PRDM11: variants seen among roughly 807,000 people sequenced by gnomAD.
PRDM11 encodes the protein PR domain-containing protein 11.
A neutral mutation model predicts 97.8 loss-of-function variants in PRDM11; 20 were observed. The observed-to-expected ratio is 0.20, with a 90% CI of 0.14 to 0.30. PRDM11 has a LOEUF of 0.30. Among genes scored for constraint, PRDM11 ranks in the 10% least tolerant of loss-of-function variants. PRDM11 has a pLI of 1.00. For missense variants in PRDM11, 1,139 were observed against 1,555.2 expected (o/e 0.73, Z 4.50); for synonymous variants, 599 against 637.7 (o/e 0.94, Z 0.91).
intron 1 of PRDM11, among the ~76,000 whole-genome samples, chr11:45,174,545 T>G (rs1440538841): frequency 6.6e-6 from 1 of 152,202 alleles, no homozygotes; most frequent in Non-Finnish European, 1.5e-5. Flanking sequence ...ATTCATTGAG[T>G]CATTGATTCA....
chr11:45,153,973 T>C (rs1336229087), intron 1 of PRDM11, among the ~76,000 whole-genome samples: 1 of 152,186 alleles, frequency 6.6e-6, no homozygotes, highest in Non-Finnish European at 1.5e-5. Flanking sequence ...TCCAATCTTC[T>C]TAAGAAAACC....
intron 2 of PRDM11, 98 bp downstream of exon 2, chr11:45,181,983 C>G: frequency 9.0e-7 from 1 of 1,113,730 alleles, no homozygotes; most frequent in Admixed American, 2.3e-5. Flanking sequence ...TCACTCCTTG[C>G]CCACCTTCCC....
At chr11:45,205,428 C>G (rs1012027886) in intron 5 of PRDM11, among the ~76,000 whole-genome samples, 2 of 152,026 alleles carry the variant, frequency 1.3e-5, no homozygotes, top group Admixed American at 6.6e-5. Flanking sequence ...GTGCCATGTG[C>G]GAGGGACTCT....
intron 5 of PRDM11, among the ~76,000 whole-genome samples, chr11:45,211,526 T>C (rs1241745395): frequency 1.1e-4 from 5 of 44,134 alleles, no homozygotes; most frequent in Non-Finnish European, 4.7e-4. Flanking sequence ...GTCTGTCCGA[T>C]GGCCCCTGTG....
At chr11:45,108,288 G>A (rs113190800) in intron 1 of PRDM11, among the ~76,000 whole-genome samples, 3,353 of 152,228 alleles carry the variant, frequency 0.022, 117 homozygotes, top group African/African-American at 0.077. Flanking sequence ...CTGCTGCCCT[G>A]GCCTCTTACG....
chr11:45,219,051 T>A lies in PRDM11; in HGVS notation c.555-519T>A, dbSNP rs1854035699. Among the ~76,000 whole-genome samples, 1 of 152,212 alleles carries A rather than the reference T, an allele frequency of 6.6e-6. No homozygotes were observed. The highest frequency in any genetic ancestry group is 1.5e-5 in the Non-Finnish European group (1 of 68,048). On this transcript the variant is annotated intron_variant, in intron 5 of 7. Transcript: ENST00000683152. The surrounding 1 kb of genome is among the most constrained non-coding windows in gnomAD (Gnocchi z 4.2). The stretch of plus-strand genomic sequence containing the variant: ...TGTCCCCACTGGAGCCCCCATTTTT[T>A]AAAAGATTTTGATCTTTAGCATTTA...
intron 5 of PRDM11, chr11:45,208,972 T>C (rs1314593389): frequency 2.2e-6 from 1 of 456,706 alleles, no homozygotes; most frequent in South Asian, 1.5e-5. Flanking sequence ...GAAGCAGTGC[T>C]CTTTGGGAGG....
intron 1 of PRDM11, among the ~76,000 whole-genome samples, chr11:45,139,937 A>C (rs1200694727): frequency 3.3e-5 from 5 of 152,158 alleles, no homozygotes; most frequent in Non-Finnish European, 7.3e-5. Context: ...GGAATCATTA[A>C]GCCCAGTGAT....
At chr11:45,182,802 A>T in intron 3 of PRDM11, 59 bp from the exon 4 acceptor site, 1 of 1,507,906 alleles carries the variant, frequency 6.6e-7, no homozygotes, top group Non-Finnish European at 8.9e-7. Flanking sequence ...TACCTCCCCC[A>T]TGGGGGTCTT....
At chr11:45,135,073 C>A (rs1048297910) in intron 1 of PRDM11, among the ~76,000 whole-genome samples, 2 of 151,916 alleles carry the variant, frequency 1.3e-5, no homozygotes, top group Admixed American at 6.6e-5. Context: ...TTGAGCCCAG[C>A]CTGGGCAACA....
At chr11:45,098,434 C>T (rs751904667) in intron 1 of PRDM11, among the ~76,000 whole-genome samples, 2 of 152,122 alleles carry the variant, frequency 1.3e-5, no homozygotes, top group Non-Finnish European at 1.5e-5. Flanking sequence ...TGGACTTAGT[C>T]GGGGAGACTG....
intron 1 of PRDM11, among the ~76,000 whole-genome samples, chr11:45,106,563 G>C (rs966529189): frequency 4.6e-5 from 7 of 152,312 alleles, no homozygotes; most frequent in Non-Finnish European, 8.8e-5. Flanking sequence ...CATGGAGACA[G>C]TTTACCTCTG....
At chr11:45,159,714 C>A (rs1431305259) in intron 1 of PRDM11, among the ~76,000 whole-genome samples, 1 of 152,114 alleles carries the variant, frequency 6.6e-6, no homozygotes, top group Non-Finnish European at 1.5e-5. Flanking sequence ...CCTGCCTGGG[C>A]CTTTGCCTGG....
rs1554963199 is a variant in PRDM11 at position 45,101,564 on chromosome 11, A to AGAAGAAGAAGAAGAAGAAG, written c.96+5663_96+5664insGAAGAAGAAGAAGAAGAAG. 4.4e-4 allele frequency among the ~76,000 whole-genome samples: 48 copies of AGAAGAAGAAGAAGAAGAAG among 108,592 alleles called. 1 individual carries two copies. Among genetic ancestry groups the AGAAGAAGAAGAAGAAGAAG allele is most frequent in the African/African-American group, 2.3e-3 (45 of 19,702 alleles). 71.2% of individuals were successfully genotyped at this position (108,592 alleles called of 152,430 possible). On this transcript the variant is annotated intron_variant, in intron 1 of 6. Transcript: ENST00000530656. The stretch of plus-strand genomic sequence containing the variant: ...GAGCAACACTCTGTCTCAAAAAAAA[A>AGAAGAAGAAGAAGAAGAAG]AAAAAGAAGAAGAAGAAGAAGAAGA...
intron 4 of PRDM11, among the ~76,000 whole-genome samples, chr11:45,203,584 A>T (rs1002661113): frequency 4.6e-5 from 7 of 151,912 alleles, no homozygotes; most frequent in Admixed American, 2.0e-4. Context: ...ATGGAAGAGT[A>T]GTTAAAAGAC....
chr11:45,099,202 T>C (rs983871318), intron 1 of PRDM11, among the ~76,000 whole-genome samples: 5 of 151,698 alleles, frequency 3.3e-5, no homozygotes, highest in Non-Finnish European at 1.5e-5. Context: ...CCTGTAATCC[T>C]AGCACTTTGG....
chr11:45,113,093 T>G (rs1321771351), intron 1 of PRDM11, among the ~76,000 whole-genome samples: 2 of 152,236 alleles, frequency 1.3e-5, no homozygotes, highest in African/African-American at 4.8e-5. Flanking sequence ...AGGTCTTGGA[T>G]TTAAGTCTTT....
At chr11:45,178,515 T>C (rs1852386136) in intron 1 of PRDM11, among the ~76,000 whole-genome samples, 1 of 152,182 alleles carries the variant, frequency 6.6e-6, no homozygotes. Flanking sequence ...CTGGCGGAGA[T>C]CACTGGAAGA....
At chr11:45,126,997 T>C (rs1852590503) in intron 1 of PRDM11, among the ~76,000 whole-genome samples, 2 of 152,232 alleles carry the variant, frequency 1.3e-5, no homozygotes, top group Admixed American at 6.5e-5. Flanking sequence ...ATTTGGTCTT[T>C]TCACATAGTC....
Sources: allele counts gnomAD v4.1 joint callset (sites outside exome capture counted in the v4.1 genomes callset), GRCh38; gene constraint gnomAD v4.1.1; non-coding constraint Gnocchi (gnomAD v3.1); transcripts MANE v1.5; gene names NCBI Gene and HGNC (gene_info 2026-07-23, HGNC 2026-07-21).